Variants in SNTG2 observed in about 807,000 individuals in gnomAD.
SNTG2 encodes gamma-2-syntrophin.
Under a neutral mutation model 70.9 loss-of-function variants are expected in SNTG2, and 74 were observed. That is an observed-to-expected ratio of 1.04 (90% confidence interval 0.86 to 1.27). The LOEUF (loss-of-function observed/expected upper bound fraction) is 1.27, where lower values mean the gene tolerates loss of function less well. Ranked by LOEUF, SNTG2 falls within the 50% of genes most tolerant of loss-of-function variation. The probability of loss-of-function intolerance (pLI) is 0.00; values close to 1 mark genes in which losing one functional copy is unlikely to be tolerated. For synonymous variants in SNTG2, 278 were observed against 273.8 expected, an observed-to-expected ratio of 1.02 and a Z score of -0.15; for missense variants, 717 against 690.7, an observed-to-expected ratio of 1.04 and a Z score of -0.43.
intron 14 of SNTG2, among the ~76,000 whole-genome samples, chr2:1,289,792 C>T (rs557742840): frequency 8.7e-4 from 133 of 152,288 alleles, no homozygotes; most frequent in African/African-American, 3.1e-3. Context: ...ACCAGCTCCC[C>T]GTGCTCCAAC....
intron 1 of SNTG2, among the ~76,000 whole-genome samples, chr2:953,964 G>A (rs969665852): frequency 6.6e-6 from 1 of 151,910 alleles, no homozygotes; most frequent in African/African-American, 2.4e-5. Context: ...AGAGGGGCTG[G>A]CATTGCAGTT....
chr2:1,111,498 C>T (rs940460504), intron 4 of SNTG2, among the ~76,000 whole-genome samples: 8 of 152,174 alleles, frequency 5.3e-5, no homozygotes, highest in Non-Finnish European at 5.9e-5. Context: ...ACAAATCCTT[C>T]GGGCCCCAAA....
chr2:1,255,314 T>G (rs1677988378), intron 12 of SNTG2, among the ~76,000 whole-genome samples: 1 of 152,128 alleles, frequency 6.6e-6, no homozygotes, highest in Non-Finnish European at 1.5e-5. Context: ...CTTCTTATCC[T>G]CAGGTTGTTT....
chr2:1,237,487 G>A (rs1676743919), intron 9 of SNTG2, among the ~76,000 whole-genome samples: 1 of 152,094 alleles, frequency 6.6e-6, no homozygotes, highest in Admixed American at 6.6e-5. Flanking sequence ...CACACAGGTG[G>A]TCCTAGAGAA....
intron 1 of SNTG2, among the ~76,000 whole-genome samples, chr2:964,520 G>T (rs1281799718): frequency 6.6e-6 from 1 of 152,190 alleles, no homozygotes; most frequent in Non-Finnish European, 1.5e-5. Context: ...AATGTGTTAG[G>T]GAGGTTCCCA....
chr2:1,226,826 ATC>A (rs965559613), intron 9 of SNTG2, among the ~76,000 whole-genome samples: 38 of 152,280 alleles, frequency 2.5e-4, no homozygotes, highest in African/African-American at 8.9e-4. Flanking sequence ...CAATAAATCT[ATC>A]TCTGTTTCAA....
chr2:966,523 A>G (rs1369181106), intron 1 of SNTG2, among the ~76,000 whole-genome samples: 1 of 152,240 alleles, frequency 6.6e-6, no homozygotes, highest in African/African-American at 2.4e-5. Flanking sequence ...GGCTTTTATA[A>G]TGCATAATTC....
At chr2:1,169,006 T>C (rs1670943437) in intron 7 of SNTG2, among the ~76,000 whole-genome samples, 1 of 152,108 alleles carries the variant, frequency 6.6e-6, no homozygotes, top group Non-Finnish European at 1.5e-5. Flanking sequence ...ACTTGAGGGC[T>C]GCACAGAAGT....
intron 9 of SNTG2, among the ~76,000 whole-genome samples, chr2:1,235,897 G>T (rs966756174): frequency 6.6e-6 from 1 of 152,252 alleles, no homozygotes; most frequent in Admixed American, 6.5e-5. Context: ...GGTTGGCCAA[G>T]AGTATGGAAT....
At position 1,367,336 on chromosome 2, in the gene SNTG2, C is replaced by G; in HGVS notation, c.1489-7C>G. The G allele has an allele frequency of 6.5e-7, 1 of 1,528,970 alleles. No homozygotes were observed. The highest frequency in any genetic ancestry group is 2.5e-5 in the East Asian group (1 of 40,532). 94.7% of individuals were successfully genotyped at this position (1,528,970 alleles called of 1,614,324 possible). ...TAATAAACACTTGATCTGATTTTCT[C>G]CTCCAGGAACTCGAGTTCCAGGACC... On this transcript the variant is annotated splice_region_variant and splice_polypyrimidine_tract_variant and intron_variant, in intron 16 of 16. Coordinates refer to ENST00000308624, the MANE Select transcript of SNTG2 (RefSeq NM_018968.4).
intron 1 of SNTG2, among the ~76,000 whole-genome samples, chr2:1,046,788 A>AT (rs1223322111): frequency 6.6e-6 from 1 of 151,602 alleles, no homozygotes; most frequent in Admixed American, 6.6e-5. Flanking sequence ...TGTCTTTAAC[A>AT]TTTTTTCTTT....
chr2:965,861 G>C (rs1660545301), intron 1 of SNTG2, among the ~76,000 whole-genome samples: 1 of 152,150 alleles, frequency 6.6e-6, no homozygotes, highest in Non-Finnish European at 1.5e-5. Flanking sequence ...GGTGAGCCAG[G>C]CTGGCACCTG....
chr2:1,355,476 T>C (rs903242207), intron 16 of SNTG2, among the ~76,000 whole-genome samples: 8 of 152,232 alleles, frequency 5.3e-5, no homozygotes, highest in Non-Finnish European at 1.2e-4. Flanking sequence ...ATGTCACTTA[T>C]CACCGTGTCT....
intron 4 of SNTG2, among the ~76,000 whole-genome samples, chr2:1,104,864 T>C (rs1056553680): frequency 1.3e-5 from 2 of 152,224 alleles, no homozygotes; most frequent in South Asian, 2.1e-4. Flanking sequence ...TTTATCCTCA[T>C]GTTCATTGCC....
chr2:1,154,801 T>TA (rs1669743984), intron 6 of SNTG2, among the ~76,000 whole-genome samples: 1 of 151,764 alleles, frequency 6.6e-6, no homozygotes, highest in Admixed American at 6.6e-5. Context: ...CTCCAACACA[T>TA]ACATCCCACA....
At chr2:1,103,025 C>A (rs1355804626) in intron 4 of SNTG2, among the ~76,000 whole-genome samples, 1 of 152,178 alleles carries the variant, frequency 6.6e-6, no homozygotes, top group African/African-American at 2.4e-5. Flanking sequence ...CACCCTGGAG[C>A]CCCCGCCCCC....
chr2:1,325,910 C>T (rs888307855), intron 16 of SNTG2, among the ~76,000 whole-genome samples: 22 of 152,058 alleles, frequency 1.4e-4, no homozygotes, highest in African/African-American at 4.1e-4. Context: ...CTCAGCTCAC[C>T]GCCACCTCTG....
intron 9 of SNTG2, among the ~76,000 whole-genome samples, chr2:1,236,772 G>A (rs566994060): frequency 2.0e-5 from 3 of 152,192 alleles, no homozygotes; most frequent in African/African-American, 7.2e-5. Flanking sequence ...ACCCCACCTT[G>A]CCTAAGAAAG....
intron 1 of SNTG2, among the ~76,000 whole-genome samples, chr2:1,000,199 C>A (rs938241348): frequency 1.3e-5 from 2 of 151,582 alleles, no homozygotes; most frequent in African/African-American, 4.8e-5. Flanking sequence ...TACAAATTAA[C>A]AACCTAACAT....
Sources: allele counts gnomAD v4.1 joint callset (sites outside exome capture counted in the v4.1 genomes callset), GRCh38; gene constraint gnomAD v4.1.1; transcripts MANE v1.5; gene names NCBI Gene and HGNC (gene_info 2026-07-23, HGNC 2026-07-21).